Variants in DPP10 observed in about 807,000 individuals in gnomAD.
DPP10 encodes dipeptidyl peptidase like 10, also known as inactive dipeptidyl peptidase 10.
DPP10 carries 33 observed loss-of-function variants against 120.9 expected under a neutral mutation model. That is an observed-to-expected ratio of 0.27 (90% CI 0.21 to 0.37). The LOEUF is 0.37. Ranked by LOEUF, DPP10 falls within the 10% of genes least tolerant of loss-of-function variation. The pLI, the probability that DPP10 is intolerant of heterozygous loss-of-function variation, is 1.00. For missense variants in DPP10, 816 were observed against 942.8 expected, an observed-to-expected ratio of 0.87 and a Z score of 1.76; for synonymous variants, 337 against 326.1, an observed-to-expected ratio of 1.03 and a Z score of -0.36.
At chr2:114,607,072 C>G (rs1692872802) in intron 1 of DPP10, among the ~76,000 whole-genome samples, 1 of 152,134 alleles carries the variant, frequency 6.6e-6, no homozygotes, top group African/African-American at 2.4e-5. Context: ...TAATTTGATA[C>G]CTTCTTCCTA....
chr2:115,177,790 G>A (rs981756275), intron 1 of DPP10, among the ~76,000 whole-genome samples: 3 of 152,110 alleles, frequency 2.0e-5, no homozygotes, highest in Non-Finnish European at 4.4e-5. Context: ...TTGAGACAGA[G>A]TCTTGCTCTG....
chr2:114,674,348 A>G (rs1416882696), intron 1 of DPP10, among the ~76,000 whole-genome samples: 3 of 152,070 alleles, frequency 2.0e-5, no homozygotes, highest in African/African-American at 4.8e-5. Context: ...ATTCCATTAA[A>G]TGATTTTGTT....
chr2:114,856,743 G>A (rs560347955), intron 1 of DPP10, among the ~76,000 whole-genome samples: 5 of 152,266 alleles, frequency 3.3e-5, no homozygotes, highest in East Asian at 3.9e-4. Flanking sequence ...AGGAGAGAGA[G>A]CAGGAGAGTT....
At chr2:114,830,531 C>T (rs1231866885) in intron 1 of DPP10, among the ~76,000 whole-genome samples, 1 of 152,182 alleles carries the variant, frequency 6.6e-6, no homozygotes, top group Admixed American at 6.5e-5. Flanking sequence ...ACACAACTTA[C>T]ATGTACGTAA....
chr2:114,848,599 C>T (rs182930569), intron 1 of DPP10, among the ~76,000 whole-genome samples: 28 of 152,240 alleles, frequency 1.8e-4, no homozygotes, highest in African/African-American at 6.3e-4. Context: ...CACATAGATA[C>T]GACTAGGACT....
intron 1 of DPP10, among the ~76,000 whole-genome samples, chr2:114,687,146 A>G (rs557787901): frequency 6.6e-6 from 1 of 152,112 alleles, no homozygotes; most frequent in Non-Finnish European, 1.5e-5. Flanking sequence ...ATATGCATGG[A>G]CAAGAATAGT....
intron 1 of DPP10, among the ~76,000 whole-genome samples, chr2:114,496,095 A>T (rs1682493198): frequency 6.6e-6 from 1 of 152,184 alleles, no homozygotes; most frequent in Admixed American, 6.6e-5. Context: ...CTGAAGGACT[A>T]GATTTGAGAT....
chr2:115,031,978 C>T (rs1703872680), intron 1 of DPP10, among the ~76,000 whole-genome samples: 1 of 152,012 alleles, frequency 6.6e-6, no homozygotes, highest in African/African-American at 2.4e-5. Context: ...GATGGTTGAA[C>T]ACAAAGCTTG....
chr2:115,093,127 G>A (rs947920455), intron 1 of DPP10, among the ~76,000 whole-genome samples: 1 of 152,120 alleles, frequency 6.6e-6, no homozygotes, highest in African/African-American at 2.4e-5. Context: ...ACCAAAATAA[G>A]CAAAGATCCC....
At chr2:114,549,445 G>A (rs937912447) in intron 1 of DPP10, among the ~76,000 whole-genome samples, 12 of 152,064 alleles carry the variant, frequency 7.9e-5, no homozygotes, top group African/African-American at 2.9e-4. Context: ...GGCAGATCAC[G>A]TGGTCAGGAG....
chr2:115,216,735 G>C (rs1037855429), intron 1 of DPP10, among the ~76,000 whole-genome samples: 1 of 151,926 alleles, frequency 6.6e-6, no homozygotes, highest in African/African-American at 2.4e-5. Context: ...CCGTGAGCCC[G>C]GATCGTGCCA....
At chr2:115,330,838 A>G (rs1411382582) in intron 2 of DPP10, among the ~76,000 whole-genome samples, 16 of 152,118 alleles carry the variant, frequency 1.1e-4, no homozygotes, top group Non-Finnish European at 8.8e-5. Flanking sequence ...GCCTTGTAGT[A>G]TAGTTTGAAG....
intron 1 of DPP10, among the ~76,000 whole-genome samples, chr2:115,281,631 A>G (rs770191029): frequency 1.3e-5 from 2 of 152,156 alleles, no homozygotes; most frequent in Non-Finnish European, 2.9e-5. Context: ...TCTCATTGCT[A>G]TTGATATTGT....
At chr2:115,626,355 AATTT>A (rs1399387802) in intron 5 of DPP10, among the ~76,000 whole-genome samples, 6 of 151,842 alleles carry the variant, frequency 4.0e-5, no homozygotes, top group African/African-American at 1.2e-4. Context: ...TTGATTAATT[AATTT>A]GTCAATTAAC....
intron 1 of DPP10, among the ~76,000 whole-genome samples, chr2:115,211,150 T>G (rs552229964): frequency 6.6e-6 from 1 of 152,122 alleles, no homozygotes; most frequent in Non-Finnish European, 1.5e-5. Flanking sequence ...TTAATTATTA[T>G]TTTACAAAAT....
intron 5 of DPP10, among the ~76,000 whole-genome samples, chr2:115,535,106 CTT>C (rs921910099): frequency 6.6e-6 from 1 of 151,796 alleles, no homozygotes; most frequent in African/African-American, 2.4e-5. Context: ...TGCAGAAGCT[CTT>C]TACTTTAATT....
chr2:115,201,808 A>T (rs76233844), intron 1 of DPP10, among the ~76,000 whole-genome samples: 1 of 152,156 alleles, frequency 6.6e-6, no homozygotes, highest in Non-Finnish European at 1.5e-5. Flanking sequence ...AAGAGCAATG[A>T]TTTTGCAAAT....
At chr2:115,099,163 A>G (rs1021175125) in intron 1 of DPP10, among the ~76,000 whole-genome samples, 5 of 151,864 alleles carry the variant, frequency 3.3e-5, no homozygotes, top group African/African-American at 4.8e-5. Flanking sequence ...AAGAAAAGAA[A>G]AATAGCTGGA....
At chr2:114,620,314 T>G (rs1693996710) in intron 1 of DPP10, among the ~76,000 whole-genome samples, 1 of 151,884 alleles carries the variant, frequency 6.6e-6, no homozygotes, top group South Asian at 2.1e-4. Flanking sequence ...GTAGATCGGT[T>G]TTTCTAAAAT....
Sources: allele counts gnomAD v4.1 joint callset (sites outside exome capture counted in the v4.1 genomes callset), GRCh38; gene constraint gnomAD v4.1.1; transcripts MANE v1.5; gene names NCBI Gene and HGNC (gene_info 2026-07-23, HGNC 2026-07-21).